SCFD2: variants seen among roughly 807,000 people sequenced by gnomAD.
SCFD2 encodes sec1 family domain containing 2.
Under a neutral mutation model 58.9 loss-of-function variants are expected in SCFD2, and 54 were observed. The observed-to-expected ratio is 0.92, with a 90% CI of 0.74 to 1.15. The LOEUF is 1.15. Among genes scored for constraint, SCFD2 ranks in the 50% most tolerant of loss-of-function variants. The pLI, the probability that SCFD2 is intolerant of heterozygous loss-of-function variation, is 0.00. For synonymous variants in SCFD2, 321 were observed against 335.9 expected, an observed-to-expected ratio of 0.96 and a Z score of 0.49; for missense variants, 805 against 836.6, an observed-to-expected ratio of 0.96 and a Z score of 0.47.
At chr4:53,048,077 G>A (rs1355449303) in intron 5 of SCFD2, among the ~76,000 whole-genome samples, 4 of 152,108 alleles carry the variant, frequency 2.6e-5, no homozygotes, top group Non-Finnish European at 5.9e-5. Flanking sequence ...TAGGCTACGC[G>A]CAGTTGCTCA....
intron 5 of SCFD2, among the ~76,000 whole-genome samples, chr4:53,128,049 TAA>T (rs34739040): frequency 0.16 from 17,661 of 111,180 alleles, 1,393 homozygotes; most frequent in South Asian, 0.34. Flanking sequence ...GGCCATGTCC[TAA>T]AAAAAAAAAA....
Position 53,329,514 on chromosome 4 carries a change from A to G in SCFD2, c.1008-15751T>C, listed in dbSNP as rs1201962455. 6.0e-5 allele frequency among the ~76,000 whole-genome samples: 9 copies of G among 149,616 alleles called. No homozygotes were observed. In the East Asian group the frequency reaches 9.9e-4, roughly 17 times the overall value. ...ACACCTCACACGGCAGGGTATTCCA[A>G]CAGACCTGCAGCTGAGGGTCCTGTC... On this transcript the variant is annotated intron_variant, in intron 2 of 8. Coordinates refer to ENST00000401642, the MANE Select transcript of SCFD2 (RefSeq NM_152540.4).
intron 2 of SCFD2, 120 bp downstream of exon 2, chr4:53,352,478 C>G: frequency 2.8e-6 from 2 of 717,344 alleles, no homozygotes; most frequent in Non-Finnish European, 4.4e-6. Flanking sequence ...ATGCTACCCA[C>G]TGTGAAATTT....
intron 4 of SCFD2, among the ~76,000 whole-genome samples, chr4:53,204,684 G>A (rs1479489735): frequency 6.8e-6 from 1 of 147,448 alleles, no homozygotes; most frequent in Non-Finnish European, 1.5e-5. Flanking sequence ...TTGAGGCTGT[G>A]TGATTCCATA....
chr4:52,986,011 C>CT (rs1721482772), intron 5 of SCFD2, among the ~76,000 whole-genome samples: 2 of 151,970 alleles, frequency 1.3e-5, no homozygotes, highest in African/African-American at 4.8e-5. Flanking sequence ...CATACAATTC[C>CT]TTTACATATT....
At chr4:52,945,499 G>A (rs773660192) in intron 5 of SCFD2, 38 of 152,096 alleles carry the variant, frequency 2.5e-4, no homozygotes, top group Non-Finnish European at 4.7e-4. Context: ...CAATGAGTAT[G>A]AGGATGTTAA....
intron 4 of SCFD2, among the ~76,000 whole-genome samples, chr4:53,202,973 CAG>C (rs1728296901): frequency 6.6e-6 from 1 of 152,202 alleles, no homozygotes; most frequent in African/African-American, 2.4e-5. Context: ...CATCTGCAAA[CAG>C]GGGCAATTTG....
rs1449112864 is a variant in SCFD2, at chr4:53,345,957, G to C, written c.1007+6641C>G. Among the ~76,000 whole-genome samples, 7 of 152,234 alleles carry C rather than the reference G, an allele frequency of 4.6e-5. No homozygotes were observed. The East Asian group carries it at 9.7e-4, about 21-fold the overall frequency. ...CACCAGGGCCTGTGAGTGGATTAGG[G>C]GGGGCTTGGGGAGGGATACAATTAG... is the stretch of plus-strand genomic sequence containing the variant. On this transcript the variant is annotated intron_variant, in intron 2 of 8. Coordinates refer to ENST00000401642, the MANE Select transcript of SCFD2 (RefSeq NM_152540.4).
At chr4:53,134,330 T>A (rs986838682) in intron 5 of SCFD2, among the ~76,000 whole-genome samples, 4 of 152,098 alleles carry the variant, frequency 2.6e-5, no homozygotes, top group Non-Finnish European at 1.5e-5. Flanking sequence ...AGAGGGTAGA[T>A]CTCATGTTAA....
intron 5 of SCFD2, among the ~76,000 whole-genome samples, chr4:53,010,352 C>T (rs187624510): frequency 7.2e-5 from 11 of 152,124 alleles, no homozygotes; most frequent in Non-Finnish European, 1.6e-4. Flanking sequence ...CTTCAAGATA[C>T]GACAAAAATT....
At chr4:52,956,441 G>C (rs568319576) in intron 5 of SCFD2, 1 of 360,272 alleles carries the variant, frequency 2.8e-6, no homozygotes, top group Non-Finnish European at 5.4e-6. Flanking sequence ...GCTGAGGGAA[G>C]GGCAGGTGGC....
At chr4:53,342,509 G>A (rs576815765) in intron 2 of SCFD2, among the ~76,000 whole-genome samples, 1 of 152,178 alleles carries the variant, frequency 6.6e-6, no homozygotes, top group South Asian at 2.1e-4. Flanking sequence ...AATAATAATG[G>A]GAGATGTTAA....
At chr4:53,221,933 A>T (rs1203236494) in intron 4 of SCFD2, among the ~76,000 whole-genome samples, 5 of 152,220 alleles carry the variant, frequency 3.3e-5, no homozygotes, top group Admixed American at 3.3e-4. Flanking sequence ...TACATTAGCA[A>T]CACATAGGAC....
At chr4:53,158,325 T>G (rs1474213505) in intron 4 of SCFD2, among the ~76,000 whole-genome samples, 2 of 152,238 alleles carry the variant, frequency 1.3e-5, no homozygotes, top group African/African-American at 4.8e-5. Flanking sequence ...TTCTCTCCTT[T>G]GCTCCAAACC....
At chr4:53,056,438 TA>T (rs1282127499) in intron 5 of SCFD2, among the ~76,000 whole-genome samples, 2 of 152,232 alleles carry the variant, frequency 1.3e-5, no homozygotes, top group African/African-American at 4.8e-5. Flanking sequence ...GCCTCTCAAA[TA>T]AAGGACCACT....
chr4:53,201,949 C>T (rs1229082307), intron 4 of SCFD2, among the ~76,000 whole-genome samples: 4 of 152,092 alleles, frequency 2.6e-5, no homozygotes, highest in Admixed American at 6.6e-5. Context: ...GAGTAGGTTG[C>T]AAAAATTTTC....
chr4:52,952,872 C>T (rs1443010330), intron 5 of SCFD2, among the ~76,000 whole-genome samples: 3 of 152,182 alleles, frequency 2.0e-5, no homozygotes, highest in Non-Finnish European at 4.4e-5. Context: ...TGTGACTGAA[C>T]CATTCCCTGG....
At chr4:53,249,669 G>C (rs558943798) in intron 4 of SCFD2, among the ~76,000 whole-genome samples, 11 of 152,284 alleles carry the variant, frequency 7.2e-5, no homozygotes, top group African/African-American at 2.6e-4. Flanking sequence ...TTAAAGAAAA[G>C]AATTTTCAAC....
chr4:53,315,813 T>C (rs1732845498), intron 2 of SCFD2, among the ~76,000 whole-genome samples: 1 of 152,162 alleles, frequency 6.6e-6, no homozygotes, highest in Non-Finnish European at 1.5e-5. Context: ...ACCCTCCTCT[T>C]TTCCATGAGA....
Sources: allele counts gnomAD v4.1 joint callset (sites outside exome capture counted in the v4.1 genomes callset), GRCh38; gene constraint gnomAD v4.1.1; transcripts MANE v1.5; gene names NCBI Gene and HGNC (gene_info 2026-07-23, HGNC 2026-07-21).